The following ZNF385D variants were observed in gnomAD, a reference collection of about 807,000 sequenced individuals.
ZNF385D encodes zinc finger protein 385D.
ZNF385D carries 15 observed loss-of-function variants against 35.8 expected under a neutral mutation model. The ratio of observed to expected loss-of-function variants is 0.42; its 90% CI spans 0.28 to 0.64. The LOEUF (loss-of-function observed/expected upper bound fraction) is 0.64, where lower values mean the gene tolerates loss of function less well. Ranked by LOEUF, ZNF385D falls within the 30% of genes least tolerant of loss-of-function variation. The probability of loss-of-function intolerance (pLI) is 0.23; values close to 1 mark genes in which losing one functional copy is unlikely to be tolerated. For missense variants in ZNF385D, 474 were observed against 494.6 expected, an observed-to-expected ratio of 0.96 and a Z score of 0.39; for synonymous variants, 212 against 186.8, an observed-to-expected ratio of 1.13 and a Z score of -1.10.
rs551634228 is a variant in ZNF385D at position 21,812,792 on chromosome 3, C to T, written c.326-147764G>A. On this transcript the variant is annotated intron_variant, in intron 3 of 5. Coordinates refer to the ZNF385D transcript ENST00000494108. ...GGGCAGGGAATAGCTGAACAAAAGG[C>T]GTCAGAAACCTGCAGAATTAAACGT... 4.6e-5 allele frequency among the ~76,000 whole-genome samples: 7 copies of T among 152,276 alleles called. No homozygotes were observed. The South Asian group carries it at 6.2e-4, about 14-fold the overall frequency.
At chr3:22,333,359 C>G (rs1695023086) in intron 2 of ZNF385D, among the ~76,000 whole-genome samples, 1 of 152,150 alleles carries the variant, frequency 6.6e-6, no homozygotes, top group African/African-American at 2.4e-5. Flanking sequence ...TTTCTTCACA[C>G]ATATATTTCA....
chr3:22,299,867 GT>G (rs1702802770), intron 2 of ZNF385D, among the ~76,000 whole-genome samples: 1 of 151,704 alleles, frequency 6.6e-6, no homozygotes, highest in Non-Finnish European at 1.5e-5. Context: ...AAAAAATATT[GT>G]TGCTAAAATG....
intron 2 of ZNF385D, among the ~76,000 whole-genome samples, chr3:22,207,886 C>T (rs1326084836): frequency 6.6e-6 from 1 of 151,864 alleles, no homozygotes; most frequent in Non-Finnish European, 1.5e-5. Context: ...GAGATGTCAC[C>T]TCACCCTAGT....
intron 3 of ZNF385D, among the ~76,000 whole-genome samples, chr3:22,049,494 C>A (rs2593317): frequency 1.3e-5 from 2 of 151,600 alleles, no homozygotes; most frequent in Non-Finnish European, 2.9e-5. Flanking sequence ...TCCTTCCCAT[C>A]GGATGCCTTT....
intron 2 of ZNF385D, among the ~76,000 whole-genome samples, chr3:22,297,691 C>G (rs989300042): frequency 6.6e-6 from 1 of 151,940 alleles, no homozygotes; most frequent in Non-Finnish European, 1.5e-5. Context: ...GCATAATAAA[C>G]AAAGCAAATA....
intron 3 of ZNF385D, among the ~76,000 whole-genome samples, chr3:21,804,538 C>A (rs1000854914): frequency 1.3e-5 from 2 of 152,172 alleles, no homozygotes; most frequent in East Asian, 3.9e-4. Flanking sequence ...ATTTGTCAAG[C>A]CTTGCCTAAG....
chr3:21,430,576 C>A (rs907070357), intron 5 of ZNF385D, among the ~76,000 whole-genome samples: 1 of 152,072 alleles, frequency 6.6e-6, no homozygotes, highest in Non-Finnish European at 1.5e-5. Flanking sequence ...TAGCAGCAAG[C>A]CTTGAAATTC....
At chr3:22,260,988 A>C (rs1410738684) in intron 2 of ZNF385D, among the ~76,000 whole-genome samples, 1 of 152,074 alleles carries the variant, frequency 6.6e-6, no homozygotes, top group East Asian at 1.9e-4. Context: ...TAAAAAATTT[A>C]AAGTGGCATT....
intron 3 of ZNF385D, among the ~76,000 whole-genome samples, chr3:21,997,870 CGCGTGTGTGTGTGTGT>C (rs1407796111): frequency 6.4e-5 from 4 of 62,260 alleles, no homozygotes; most frequent in African/African-American, 2.4e-4. Context: ...CGCGCGCGCG[CGCGTGTGTGTGTGTGT>C]GTGTGTGTGT....
intron 4 of ZNF385D, among the ~76,000 whole-genome samples, chr3:21,491,858 A>AT: frequency 6.6e-6 from 1 of 152,296 alleles, no homozygotes; most frequent in Non-Finnish European, 1.5e-5. Context: ...GATATTTACC[A>AT]TGCTGGAACC....
chr3:21,914,381 CTTTT>C (rs5847151), intron 3 of ZNF385D, among the ~76,000 whole-genome samples: 63,350 of 138,764 alleles, frequency 0.46, 14,355 homozygotes, highest in East Asian at 0.56. Flanking sequence ...TTTTGTTTGA[CTTTT>C]TTTTTTTTTT....
chr3:21,813,950 G>C (rs933572368), intron 3 of ZNF385D, among the ~76,000 whole-genome samples: 12 of 152,188 alleles, frequency 7.9e-5, no homozygotes, highest in African/African-American at 2.9e-4. Context: ...GGCAGCCAGA[G>C]AGAAAGGTCG....
At chr3:21,886,495 T>C (rs1432595625) in intron 3 of ZNF385D, among the ~76,000 whole-genome samples, 2 of 152,070 alleles carry the variant, frequency 1.3e-5, no homozygotes, top group African/African-American at 4.8e-5. Context: ...ATGCTGCTCA[T>C]TGTGACTAAC....
chr3:22,347,802 C>G (rs1695726019), intron 2 of ZNF385D, among the ~76,000 whole-genome samples: 1 of 152,026 alleles, frequency 6.6e-6, no homozygotes, highest in South Asian at 2.1e-4. Context: ...ACTATATAGT[C>G]TCTCCAAAAA....
chr3:21,868,674 T>C (rs1331222185), intron 3 of ZNF385D, among the ~76,000 whole-genome samples: 1 of 152,156 alleles, frequency 6.6e-6, no homozygotes, highest in Non-Finnish European at 1.5e-5. Flanking sequence ...TGGAGAGTTA[T>C]TACACAGCAA....
At chr3:21,602,590 T>C (rs923739883) in intron 2 of ZNF385D, among the ~76,000 whole-genome samples, 1 of 134,122 alleles carries the variant, frequency 7.5e-6, no homozygotes, top group African/African-American at 2.9e-5. Context: ...CGGACTGCAG[T>C]GGCGCAATCT....
intron 2 of ZNF385D, among the ~76,000 whole-genome samples, chr3:22,228,303 A>G (rs1360505617): frequency 6.6e-6 from 1 of 152,176 alleles, no homozygotes; most frequent in African/African-American, 2.4e-5. Context: ...CAGTGGCCAT[A>G]GCACTGCCAC....
chr3:22,257,423 A>G (rs768661909), intron 2 of ZNF385D, among the ~76,000 whole-genome samples: 1 of 151,770 alleles, frequency 6.6e-6, no homozygotes, highest in African/African-American at 2.4e-5. Context: ...ATATGATTGC[A>G]TCTTCTTGAT....
At chr3:21,516,639 A>G (rs536435976) in intron 3 of ZNF385D, among the ~76,000 whole-genome samples, 1 of 152,294 alleles carries the variant, frequency 6.6e-6, no homozygotes, top group African/African-American at 2.4e-5. Context: ...TTGTTTCAGC[A>G]AAGGATGGTA....
Sources: gnomAD v4.1 joint callset for allele counts (sites outside exome capture counted in the v4.1 genomes callset) on GRCh38, gnomAD v4.1.1 for gene constraint, MANE v1.5 for transcripts, NCBI Gene and HGNC (gene_info 2026-07-23, HGNC 2026-07-21) for gene names.